Variants in ENTPD1 observed in about 807,000 individuals in gnomAD.
ENTPD1 encodes the protein ATP diphosphohydrolase.
Under a neutral mutation model 57.0 loss-of-function variants are expected in ENTPD1, and 33 were observed. The ratio of observed to expected loss-of-function variants is 0.58; its 90% confidence interval spans 0.44 to 0.77. The LOEUF (loss-of-function observed/expected upper bound fraction) is 0.77, where lower values mean the gene tolerates loss of function less well. Among genes scored for constraint, ENTPD1 ranks in the 30% least tolerant of loss-of-function variants. The pLI, the probability that ENTPD1 is intolerant of heterozygous loss-of-function variation, is 0.00. For missense variants in ENTPD1, 501 were observed against 603.4 expected, an observed-to-expected ratio of 0.83 and a Z score of 1.78; for synonymous variants, 202 against 218.8, an observed-to-expected ratio of 0.92 and a Z score of 0.68.
At chr10:95,844,699 C>T (rs2098430552) in intron 5 of ENTPD1, 64 bp downstream of exon 5, 1 of 1,596,508 alleles carries the variant, frequency 6.3e-7, no homozygotes, top group Non-Finnish European at 8.6e-7. Context: ...CTATCTCAGG[C>T]AGTACTTGGG....
Position 95,807,789 on chromosome 10 carries a change from AGTT to A in ENTPD1, c.17-15444_17-15442del, listed in dbSNP as rs201362991. On this transcript the variant is annotated intron_variant, in intron 1 of 9. Transcript: ENST00000371205. ...ATTTTGTATTCTGAGACTTTGTTGA[AGTT>A]GTTAATCAGCTTAAGGAGCTTTGGG... is the stretch of plus-strand genomic sequence containing the variant. 6.5e-3 allele frequency among the ~76,000 whole-genome samples: 988 copies of A among 152,278 alleles called. 11 individuals are homozygous for A. The highest frequency in any genetic ancestry group is 0.022 in the African/African-American group (928 of 41,532).
At chr10:95,706,997 G>A (rs530695294), upstream of ENTPD1, among the ~76,000 whole-genome samples, 2 of 152,338 alleles carry the variant, frequency 1.3e-5, no homozygotes, top group South Asian at 4.1e-4. Flanking sequence ...CAGGGACTGA[G>A]GGGGGTGCCT....
intron 1 of ENTPD1, among the ~76,000 whole-genome samples, chr10:95,730,902 G>A (rs1207512606): frequency 6.6e-6 from 1 of 152,182 alleles, no homozygotes; most frequent in Non-Finnish European, 1.5e-5. Flanking sequence ...AGCTTCATTA[G>A]GTCAATAGAT....
At chr10:95,821,049 T>C (rs2098348959) in intron 1 of ENTPD1, among the ~76,000 whole-genome samples, 1 of 152,216 alleles carries the variant, frequency 6.6e-6, no homozygotes. Flanking sequence ...GTTTGTTTGT[T>C]GTTATATTTA....
intron 1 of ENTPD1, among the ~76,000 whole-genome samples, chr10:95,761,791 A>G (rs936330739): frequency 4.6e-5 from 7 of 152,170 alleles, no homozygotes; most frequent in Admixed American, 1.3e-4. Context: ...TCAACTTGAG[A>G]AGTACTGGAG....
chr10:95,711,783 A>G, exon 1 of ENTPD1: 1 of 800,788 alleles, frequency 1.2e-6, no homozygotes, highest in Non-Finnish European at 2.1e-6. Flanking sequence ...TCTCCTGTGT[A>G]CGTGTAAAAT....
intron 1 of ENTPD1, among the ~76,000 whole-genome samples, chr10:95,727,674 T>C (rs1313505511): frequency 2.0e-5 from 3 of 152,230 alleles, no homozygotes; most frequent in Admixed American, 2.0e-4. Context: ...ATTACTTTTC[T>C]CATGGTTATT....
intron 1 of ENTPD1, among the ~76,000 whole-genome samples, chr10:95,778,783 C>A (rs1026818712): frequency 1.3e-5 from 2 of 151,714 alleles, no homozygotes; most frequent in African/African-American, 4.8e-5. Flanking sequence ...TCTTTGTTTC[C>A]TCTGTTTTTT....
At chr10:95,828,709 ATT>A (rs5787162) in intron 2 of ENTPD1, among the ~76,000 whole-genome samples, 353 of 132,110 alleles carry the variant, frequency 2.7e-3, no homozygotes, top group Middle Eastern at 8.3e-3. Flanking sequence ...GGTTATCCCC[ATT>A]TTTTTTTTTT....
Position 95,868,254 on chromosome 10 carries a change from T to C in ENTPD1, c.*1871T>C. On this transcript the variant is annotated 3_prime_UTR_variant, in exon 10 of 10. Transcript: ENST00000371205. ...ATTTTCTTTCCCGAACATACCAGGCTGTCTCCTCATAACTTCCAAGCATGC... is the reference window on the plus strand; with the variant it reads ...ATTTTCTTTCCCGAACATACCAGGCCGTCTCCTCATAACTTCCAAGCATGC... The C allele has an allele frequency of 1.0e-6, 1 of 985,478 alleles. No individual in the cohort carries two copies. Among genetic ancestry groups the C allele is most frequent in the African/African-American group, 1.7e-5 (1 of 57,374 alleles). The allele number at this position is 985,478 out of a possible 1,614,324, so 61.0% of individuals were successfully genotyped here. A position where few individuals can be genotyped will look rare whatever the true frequency, so the allele number is the denominator to read the frequency against.
chr10:95,750,563 A>G (rs1377943948), intron 1 of ENTPD1, among the ~76,000 whole-genome samples: 2 of 125,988 alleles, frequency 1.6e-5, no homozygotes, highest in Non-Finnish European at 3.4e-5. Flanking sequence ...CTGCAGAGCC[A>G]TGAGCCAATT....
intron 2 of ENTPD1, among the ~76,000 whole-genome samples, chr10:95,825,307 T>C (rs1339916296): frequency 6.6e-6 from 1 of 152,214 alleles, no homozygotes; most frequent in Non-Finnish European, 1.5e-5. Context: ...CTGAAGTCAT[T>C]CAAAACTAAG....
At chr10:95,771,035 C>T (rs776740932) in intron 1 of ENTPD1, among the ~76,000 whole-genome samples, 4 of 152,028 alleles carry the variant, frequency 2.6e-5, no homozygotes, top group Non-Finnish European at 5.9e-5. Flanking sequence ...CTCTTGTTCC[C>T]TCTCTTTGGC....
intron 1 of ENTPD1, among the ~76,000 whole-genome samples, chr10:95,815,887 T>C (rs190681492): frequency 4.6e-5 from 7 of 152,250 alleles, no homozygotes; most frequent in African/African-American, 1.7e-4. Flanking sequence ...AAACAACGTG[T>C]TTAGCTGTGA....
chr10:95,700,524 A>C, the ENTPD1 span, among the ~76,000 whole-genome samples: 3 of 151,960 alleles, frequency 2.0e-5, no homozygotes, highest in Non-Finnish European at 4.4e-5. Flanking sequence ...CCGTTCCTAC[A>C]AGAAATGAAA....
chr10:95,814,180 C>T (rs918362770), intron 1 of ENTPD1, among the ~76,000 whole-genome samples: 2 of 152,184 alleles, frequency 1.3e-5, no homozygotes, highest in Non-Finnish European at 2.9e-5. Flanking sequence ...AACAGCCTTC[C>T]TCCCTGCCAA....
exon 1 of ENTPD1, chr10:95,711,928 A>G (rs771176158): frequency 1.2e-6 from 2 of 1,612,604 alleles, no homozygotes; most frequent in Non-Finnish European, 1.7e-6. Context: ...ACAGGATACC[A>G]AAGCTGCTCT....
At chr10:95,759,089 C>G (rs1566112298) in intron 1 of ENTPD1, among the ~76,000 whole-genome samples, 2 of 152,036 alleles carry the variant, frequency 1.3e-5, no homozygotes, top group Non-Finnish European at 2.9e-5. Context: ...CCTTGAGTTC[C>G]CTAATGGGAA....
intron 2 of ENTPD1, among the ~76,000 whole-genome samples, chr10:95,828,531 A>T (rs2098385766): frequency 6.6e-6 from 1 of 152,180 alleles, no homozygotes; most frequent in Non-Finnish European, 1.5e-5. Flanking sequence ...GTCCTCCAAG[A>T]AACTGGTCCC....
Sources: allele counts gnomAD v4.1 joint callset (sites outside exome capture counted in the v4.1 genomes callset), GRCh38; gene constraint gnomAD v4.1.1; transcripts MANE v1.5; gene names NCBI Gene and HGNC (gene_info 2026-07-23, HGNC 2026-07-21).